Variants in KCNK2 observed in about 807,000 individuals in gnomAD.
KCNK2 encodes potassium two pore domain channel subfamily K member 2.
KCNK2 carries 21 observed loss-of-function variants against 40.5 expected under a neutral mutation model. The ratio of observed to expected loss-of-function variants is 0.52; its 90% CI spans 0.37 to 0.75. KCNK2 has a LOEUF of 0.75. Ranked by LOEUF, KCNK2 falls within the 30% of genes least tolerant of loss-of-function variation. The pLI is 0.00. For missense variants in KCNK2, 399 were observed against 531.6 expected (o/e 0.75, Z 2.45); for synonymous variants, 191 against 202.2 (o/e 0.94, Z 0.47).
At chr1:215,223,856 G>A (rs1229022744) in intron 6 of KCNK2, among the ~76,000 whole-genome samples, 1 of 152,044 alleles carries the variant, frequency 6.6e-6, no homozygotes, top group Non-Finnish European at 1.5e-5. Context: ...AAAGCTCACA[G>A]GTAGTTGGGC....
At position 215,010,900 on chromosome 1, in the gene KCNK2, G is replaced by GTGTGTA. The variant is rs1553254965; in HGVS notation, c.34+4950_34+4951insATGTGT. ...TGTGTGTGTGTGTGTGTGTGTGTAT[G>GTGTGTA]TGTGTGTATATAAACACATATATTT... On this transcript the variant is annotated intron_variant, in intron 1 of 6. Transcript: ENST00000391895. 2.2e-3 allele frequency among the ~76,000 whole-genome samples: 307 copies of GTGTGTA among 137,838 alleles called. 2 individuals carry two copies. The East Asian group carries it at 0.036, about 16-fold the overall frequency. The allele number at this position is 137,838 out of a possible 152,430, so 90.4% of individuals were successfully genotyped here. A position where few individuals can be genotyped will look rare whatever the true frequency, so the allele number is the denominator to read the frequency against.
intron 5 of KCNK2, among the ~76,000 whole-genome samples, chr1:215,186,983 T>C (rs947821883): frequency 1.3e-5 from 2 of 152,206 alleles, no homozygotes; most frequent in African/African-American, 4.8e-5. Flanking sequence ...ATCTTTTTAT[T>C]TTTTGAGACA....
At chr1:215,047,294 G>A (rs1475780761) in intron 1 of KCNK2, among the ~76,000 whole-genome samples, 1 of 152,028 alleles carries the variant, frequency 6.6e-6, no homozygotes, top group African/African-American at 2.4e-5. Flanking sequence ...TAAGCATTTT[G>A]CATTAGTTTT....
intron 2 of KCNK2, among the ~76,000 whole-genome samples, chr1:215,106,747 C>T (rs1054856139): frequency 7.9e-5 from 12 of 151,980 alleles, no homozygotes; most frequent in African/African-American, 2.9e-4. Context: ...TTAATCCATC[C>T]TGTTAATTTT....
intron 1 of KCNK2, among the ~76,000 whole-genome samples, chr1:215,048,346 G>T (rs914389870): frequency 5.3e-5 from 8 of 152,172 alleles, no homozygotes; most frequent in African/African-American, 1.7e-4. Context: ...CAAAGTGTGA[G>T]TAGCATTCAG....
At chr1:215,204,037 CAAAAAA>C (rs71167813) in intron 6 of KCNK2, among the ~76,000 whole-genome samples, 2 of 53,178 alleles carry the variant, frequency 3.8e-5, no homozygotes, top group African/African-American at 1.1e-4. Flanking sequence ...GACTCCGTCT[CAAAAAA>C]AAAAAAAAAA....
chr1:215,044,829 G>GCA (rs1657698576), intron 1 of KCNK2, among the ~76,000 whole-genome samples: 4 of 47,660 alleles, frequency 8.4e-5, no homozygotes, highest in Admixed American at 4.7e-4. Flanking sequence ...GTGTGTGTGC[G>GCA]CGCGCACACG....
chr1:215,154,594 A>G (rs1027459017), intron 3 of KCNK2, among the ~76,000 whole-genome samples: 1 of 151,818 alleles, frequency 6.6e-6, no homozygotes, highest in Non-Finnish European at 1.5e-5. Context: ...ATTATATCTC[A>G]TTTGTCAATT....
At chr1:215,166,553 T>C (rs1219183988) in intron 3 of KCNK2, among the ~76,000 whole-genome samples, 1 of 152,066 alleles carries the variant, frequency 6.6e-6, no homozygotes, top group African/African-American at 2.4e-5. Flanking sequence ...GCAGCAGGCC[T>C]GAGAAACAGT....
intron 6 of KCNK2, among the ~76,000 whole-genome samples, chr1:215,218,335 T>C (rs1427203921): frequency 1.3e-5 from 2 of 152,156 alleles, no homozygotes; most frequent in Non-Finnish European, 2.9e-5. Flanking sequence ...CAGGAGCTGC[T>C]GGGAAGGGGA....
intron 2 of KCNK2, among the ~76,000 whole-genome samples, chr1:215,121,283 G>A (rs576042670): frequency 2.6e-5 from 4 of 152,130 alleles, no homozygotes; most frequent in African/African-American, 9.6e-5. Context: ...TAAGATCCAA[G>A]TTATTTTATT....
intron 1 of KCNK2, among the ~76,000 whole-genome samples, chr1:215,010,864 TTTTTTGTG>T (rs1329373542): frequency 1.5e-5 from 2 of 137,858 alleles, no homozygotes; most frequent in African/African-American, 2.6e-5. Context: ...TTTTTTTTTT[TTTTTTGTG>T]TGTGTGTGTG....
chr1:215,057,012 A>G (rs1322354874), intron 1 of KCNK2, among the ~76,000 whole-genome samples: 1 of 152,200 alleles, frequency 6.6e-6, no homozygotes, highest in Admixed American at 6.5e-5. Context: ...CTTAACCTCT[A>G]TCTAGCTAAG....
At chr1:215,148,035 T>C (rs1662503172) in intron 3 of KCNK2, among the ~76,000 whole-genome samples, 1 of 151,810 alleles carries the variant, frequency 6.6e-6, no homozygotes. Context: ...TAAATGGTTC[T>C]GTATTGAAAT....
At chr1:215,213,713 A>C (rs1431983661) in intron 6 of KCNK2, among the ~76,000 whole-genome samples, 3 of 152,190 alleles carry the variant, frequency 2.0e-5, no homozygotes, top group African/African-American at 7.2e-5. Flanking sequence ...GCTGAGTCTC[A>C]TGAAACAGTA....
chr1:215,070,501 C>T (rs1181627506), intron 1 of KCNK2, among the ~76,000 whole-genome samples: 3 of 149,770 alleles, frequency 2.0e-5, no homozygotes, highest in African/African-American at 7.4e-5. Context: ...GCCTCACAAT[C>T]ATGGCTGAAG....
rs778959218 is a variant in KCNK2, at chr1:215,234,962, G to T, written c.1098G>T (p.Ser366=). 2.5e-6 allele frequency: 4 copies of T among 1,613,962 alleles called. No individual in the cohort carries two copies. The highest frequency in any genetic ancestry group is 2.2e-5 in the South Asian group (2 of 91,066). ...QRATSIKRKL[S]AELAGNHNQE... ...CCACCTCCATCAAGCGGAAGCTCTC[G>T]GCAGAACTGGCTGGAAACCACAATC... Residue 366 remains serine, a synonymous_variant, in exon 7 of 7, where the codon TCG becomes TCT. Coordinates refer to ENST00000444842, the MANE Select transcript of KCNK2 (RefSeq NM_001017425.3).
chr1:215,101,669 A>C (rs1571909636), intron 2 of KCNK2, among the ~76,000 whole-genome samples: 1 of 152,036 alleles, frequency 6.6e-6, no homozygotes, highest in Non-Finnish European at 1.5e-5. Context: ...ATACAGTCTC[A>C]TGCCGCATAA....
chr1:215,216,478 A>G (rs1398146501), intron 6 of KCNK2, among the ~76,000 whole-genome samples: 3 of 147,948 alleles, frequency 2.0e-5, no homozygotes, highest in African/African-American at 4.9e-5. Flanking sequence ...AGTATGTTGT[A>G]TTTTTATACA....
Sources: gnomAD v4.1 joint callset for allele counts (sites outside exome capture counted in the v4.1 genomes callset) on GRCh38, gnomAD v4.1.1 for gene constraint, MANE v1.5 for transcripts, NCBI Gene and HGNC (gene_info 2026-07-23, HGNC 2026-07-21) for gene names.